The following BRWD3 variants were observed in gnomAD, a reference collection of about 807,000 sequenced individuals.
BRWD3 encodes the protein bromodomain and WD repeat domain containing 3.
A neutral mutation model predicts 149.7 loss-of-function variants in BRWD3; 10 were observed. The observed-to-expected ratio is 0.07, with a 90% CI of 0.04 to 0.11. BRWD3 has a LOEUF of 0.11. Ranked by LOEUF, BRWD3 falls within the 10% of genes least tolerant of loss-of-function variation. The pLI is 1.00. For missense variants in BRWD3, 940 were observed against 1,373.2 expected (o/e 0.68, Z 4.99); for synonymous variants, 504 against 456.7 (o/e 1.10, Z -1.32).
intron 4 of BRWD3, among the ~76,000 whole-genome samples, 183 bp from the exon 5 acceptor site, chrX:80,793,955 C>T (rs755705744): frequency 9.0e-6 from 1 of 111,647 alleles, no homozygotes; most frequent in Non-Finnish European, 1.9e-5. Context: ...GAGGCAGGTA[C>T]ATCACTTGAG....
rs2072320805 is a variant in BRWD3 at position 80,671,228 on chromosome X, A to T, written c.*5381T>A. The T allele has an allele frequency of 8.9e-6, 1 of 112,285 alleles. No individual in the cohort carries two copies. The highest frequency in any genetic ancestry group is 3.6e-4 in the South Asian group (1 of 2,743). The allele number at this position is 112,285 out of a possible 1,213,427, so 9.3% of individuals were successfully genotyped here. On this transcript the variant is annotated 3_prime_UTR_variant, in exon 41 of 41. Transcript: ENST00000373275. ...AACAAAATGTTGACAAATGCTTTGC[A>T]GGCTGTTATTGAATGCACCAAGCAG...
At chrX:80,690,197 G>A in intron 31 of BRWD3, 105 bp from the exon 32 acceptor site, 1 of 862,056 alleles carries the variant, frequency 1.2e-6, no homozygotes, top group Non-Finnish European at 1.7e-6. Context: ...GTGTGTCAAA[G>A]GTGTTCCAAT....
At chrX:80,751,510 T>C (rs2073666787) in intron 6 of BRWD3, among the ~76,000 whole-genome samples, 1 of 112,186 alleles carries the variant, frequency 8.9e-6, no homozygotes, top group African/African-American at 3.2e-5. Flanking sequence ...TTGAGTTCCT[T>C]AATGGCCAAA....
intron 17 of BRWD3, 118 bp downstream of exon 17, chrX:80,722,444 G>A: frequency 1.5e-6 from 1 of 676,836 alleles, no homozygotes; most frequent in Non-Finnish European, 2.3e-6. Context: ...AGTAACAGAA[G>A]ATGAAACATA....
intron 6 of BRWD3, among the ~76,000 whole-genome samples, chrX:80,749,422 T>C (rs1170304897): frequency 1.8e-5 from 2 of 111,783 alleles, no homozygotes; most frequent in Non-Finnish European, 3.8e-5. Context: ...CTTGATGAAC[T>C]AACATCTCTA....
At position 80,691,036 on chromosome X, in the gene BRWD3, A is replaced by AT. The variant is rs779307863; in HGVS notation, c.3602+16dup. ...AAAGCTATAAATTTTATAATAAGTG[A>AT]TTAAAAAAAAACAGACCTGTAAAAG... is the stretch of plus-strand genomic sequence containing the variant. On this transcript the variant is annotated intron_variant, in intron 31 of 40. Coordinates refer to ENST00000373275, the MANE Select transcript of BRWD3 (RefSeq NM_153252.5). The AT allele has an allele frequency of 1.7e-6, 2 of 1,203,788 alleles. No individual in the cohort carries two copies. The highest frequency in any genetic ancestry group is 2.2e-6 in the Non-Finnish European group (2 of 890,679).
rs1265935381 is a variant in BRWD3, at chrX:80,670,172, T to C, written c.*6437A>G. ...AACTTTGGGGGAAAAATCGATACCG[T>C]AAAAAGTTTACTTCATTTAATATTA... On this transcript the variant is annotated 3_prime_UTR_variant, in exon 41 of 41. Transcript: ENST00000373275. Among the ~76,000 whole-genome samples the C allele has an allele frequency of 9.0e-6, 1 of 111,021 alleles. No individual in the cohort carries two copies. The highest frequency in any genetic ancestry group is 1.9e-5 in the Non-Finnish European group (1 of 52,992).
chrX:80,686,273 G>A, intron 35 of BRWD3, among the ~76,000 whole-genome samples: 1 of 99,496 alleles, frequency 1.0e-5, no homozygotes, highest in African/African-American at 3.6e-5. Context: ...TGGGGGTTGG[G>A]GGAGGGGGGA....
chrX:80,778,816 T>G (rs1316303588), intron 6 of BRWD3, among the ~76,000 whole-genome samples: 2 of 111,328 alleles, frequency 1.8e-5, no homozygotes, highest in South Asian at 7.5e-4. Flanking sequence ...CCAGCCAACA[T>G]GGTGACACCC....
At chrX:80,690,705 C>CT (rs775053370) in intron 31 of BRWD3, among the ~76,000 whole-genome samples, 3 of 111,306 alleles carry the variant, frequency 2.7e-5, no homozygotes, top group African/African-American at 9.8e-5. Flanking sequence ...CTAATTAACT[C>CT]TGACCAAATT....
rs2072446022 is a variant in BRWD3, at chrX:80,681,462, A to G, written c.4533T>C (p.Leu1511=). The change falls in exon 40 of 41, where the codon CTT becomes CTC. Residue 1511 remains leucine, a synonymous_variant. Coordinates refer to ENST00000373275, the MANE Select transcript of BRWD3 (RefSeq NM_153252.5). ...DAAEGLSLYL[L]DDEPDGPFSS... ...AAAATGGCCCATCTGGCTCATCATC[A>G]AGTAGATATAGTGAAAGCCCTTCAG... The G allele has an allele frequency of 8.3e-7, 1 of 1,207,139 alleles. No individual in the cohort carries two copies. The highest frequency in any genetic ancestry group is 1.1e-6 in the Non-Finnish European group (1 of 893,132).
intron 34 of BRWD3, among the ~76,000 whole-genome samples, chrX:80,687,446 A>G (rs2072545953): frequency 9.0e-6 from 1 of 111,036 alleles, no homozygotes; most frequent in African/African-American, 3.3e-5. Flanking sequence ...TGATTTTGTT[A>G]CGATCTCTTT....
At chrX:80,749,516 T>G (rs2073637980) in intron 6 of BRWD3, among the ~76,000 whole-genome samples, 2 of 111,591 alleles carry the variant, frequency 1.8e-5, no homozygotes, top group Non-Finnish European at 3.8e-5. Flanking sequence ...CTGTTCTCTT[T>G]TGGATTCCAT....
In BRWD3 at chrX:80,697,817, C is replaced by A. The variant is rs138550875; in HGVS notation, c.2944-954G>T. Among the ~76,000 whole-genome samples, 13 of 111,738 alleles carry A rather than the reference C, an allele frequency of 1.2e-4. No individual in the cohort carries two copies. In the East Asian group the frequency reaches 1.7e-3, roughly 14 times the overall value. Reference sequence around the variant, plus strand: ...TCTTCATGGTAGAACAATTTATATTCCTTTGGGTATATACCCAGTAATGGA... The same window carrying A: ...TCTTCATGGTAGAACAATTTATATTACTTTGGGTATATACCCAGTAATGGA... On this transcript the variant is annotated intron_variant, in intron 25 of 40. Transcript: ENST00000373275.
At chrX:80,694,695 T>C (rs956448192) in intron 27 of BRWD3, among the ~76,000 whole-genome samples, 3 of 111,375 alleles carry the variant, frequency 2.7e-5, no homozygotes, top group African/African-American at 9.8e-5. Flanking sequence ...TAGACTTGCA[T>C]GGAGCCTTCA....
At chrX:80,765,291 C>T (rs1342621303) in intron 6 of BRWD3, among the ~76,000 whole-genome samples, 1 of 111,804 alleles carries the variant, frequency 8.9e-6, no homozygotes, top group African/African-American at 3.3e-5. Context: ...ACACTGACTA[C>T]TGAGAGGAAA....
intron 4 of BRWD3, among the ~76,000 whole-genome samples, 171 bp from the exon 5 acceptor site, chrX:80,793,943 C>T (rs2074209734): frequency 8.9e-6 from 1 of 112,412 alleles, no homozygotes. Flanking sequence ...CTTTGGGAGG[C>T]TGAGGCAGGT....
Position 80,734,797 on chromosome X carries a change from CAT to C in BRWD3, c.985+328_985+329del, listed in dbSNP as rs1469646567. ...GTGTTTTCAATATGGAGCAACAGTA[CAT>C]GTTTTTTTGTCAACTCTGGGCAGAA... On this transcript the variant is annotated intron_variant, in intron 10 of 40. Transcript: ENST00000373275. Among the ~76,000 whole-genome samples the C allele has an allele frequency of 1.7e-4, 19 of 110,888 alleles. 1 individual carries two copies. Among genetic ancestry groups the C allele is most frequent in the African/African-American group, 5.9e-4 (18 of 30,537 alleles).
Position 80,676,795 on chromosome X carries a change from G to A in BRWD3, c.5223C>T (p.Phe1741=), listed in dbSNP as rs1255730587. The change falls in exon 41 of 41, where the codon TTC becomes TTT. Residue 1741 remains phenylalanine, a synonymous_variant. Coordinates refer to ENST00000373275, the MANE Select transcript of BRWD3 (RefSeq NM_153252.5). ...DEFDTMFSGR[F]SRLPRIKTRN... The stretch of plus-strand genomic sequence containing the variant: ...TTGTTTTAATTCGAGGCAGTCTACT[G>A]AAACGTCCTGAAAACATGGTATCAA... 2.5e-6 allele frequency: 3 copies of A among 1,210,803 alleles called. No homozygotes were observed. The highest frequency in any genetic ancestry group is 1.8e-5 in the South Asian group (1 of 56,932).
Sources: gnomAD v4.1 joint callset for allele counts (sites outside exome capture counted in the v4.1 genomes callset) on GRCh38, gnomAD v4.1.1 for gene constraint, MANE v1.5 for transcripts, NCBI Gene and HGNC (gene_info 2026-07-23, HGNC 2026-07-21) for gene names.